ARMH4: variants seen among roughly 807,000 people sequenced by gnomAD.
ARMH4 encodes armadillo-like helical domain-containing protein 4.
A neutral mutation model predicts 61.9 loss-of-function variants in ARMH4; 49 were observed. That is an observed-to-expected ratio of 0.79 (90% CI 0.63 to 1.00). ARMH4 has a LOEUF of 1.00. ARMH4 is among the 50% of genes least tolerant of loss of function. ARMH4 has a pLI of 0.00. For missense variants in ARMH4, 934 were observed against 930.0 expected, an observed-to-expected ratio of 1.00 and a Z score of -0.06; for synonymous variants, 368 against 341.5, an observed-to-expected ratio of 1.08 and a Z score of -0.85.
At chr14:58,131,192 G>GA (rs1177303347) in intron 4 of ARMH4, 1 of 238,364 alleles carries the variant, frequency 4.2e-6, no homozygotes, top group East Asian at 1.0e-4. Flanking sequence ...ACACACATAT[G>GA]AAAATGAATT....
Position 58,004,675 on chromosome 14 carries a change from CTCCAAAATAAAAATTAGAATA to C in ARMH4, c.*40_*60del. On this transcript the variant is annotated 3_prime_UTR_variant, in exon 8 of 8. Coordinates refer to ENST00000267485, the MANE Select transcript of ARMH4 (RefSeq NM_001001872.4). ...GCAGGTTGTTCTTTTTTTTTTTCTGCTCCAAAATAAAAATTAGAATAGTAGCATCGTTGAATATCCCAATTA... is the reference window on the plus strand; with the variant it reads ...GCAGGTTGTTCTTTTTTTTTTTCTGCGTAGCATCGTTGAATATCCCAATTA... The C allele has an allele frequency of 7.5e-7, 1 of 1,342,076 alleles. No individual in the cohort carries two copies. The highest frequency in any genetic ancestry group is 1.0e-6 in the Non-Finnish European group (1 of 957,510). The allele number at this position is 1,342,076 out of a possible 1,614,324, so 83.1% of individuals were successfully genotyped here. A position where few individuals can be genotyped will look rare whatever the true frequency, so the allele number is the denominator to read the frequency against.
intron 5 of ARMH4, among the ~76,000 whole-genome samples, chr14:58,029,923 A>C (rs1362189666): frequency 6.6e-6 from 1 of 152,098 alleles, no homozygotes; most frequent in Admixed American, 6.6e-5. Flanking sequence ...TAGCAACACT[A>C]CCCACAGCAG....
intron 5 of ARMH4, among the ~76,000 whole-genome samples, chr14:58,014,859 C>T (rs1188848743): frequency 3.3e-5 from 5 of 152,058 alleles, no homozygotes; most frequent in Non-Finnish European, 5.9e-5. Context: ...CAGAACCCAC[C>T]AACCTTTGAA....
intron 5 of ARMH4, among the ~76,000 whole-genome samples, chr14:58,083,875 G>A (rs1885303728): frequency 6.6e-6 from 1 of 152,160 alleles, no homozygotes; most frequent in Admixed American, 6.5e-5. Context: ...ATTTGAGCCA[G>A]TTATGGTATT....
intron 5 of ARMH4, among the ~76,000 whole-genome samples, chr14:58,014,494 T>C (rs1594690256): frequency 6.6e-6 from 1 of 152,146 alleles, no homozygotes; most frequent in African/African-American, 2.4e-5. Flanking sequence ...TGCAAGATTG[T>C]TGTGAAGATT....
chr14:58,019,533 C>T (rs1882738599), intron 5 of ARMH4, among the ~76,000 whole-genome samples: 1 of 152,130 alleles, frequency 6.6e-6, no homozygotes, highest in Non-Finnish European at 1.5e-5. Flanking sequence ...CCTAGTTTTT[C>T]TGCTGAACAA....
chr14:58,151,441 A>G (rs1887917270), intron 1 of ARMH4, among the ~76,000 whole-genome samples: 1 of 152,078 alleles, frequency 6.6e-6, no homozygotes, highest in African/African-American at 2.4e-5. Context: ...CCCTCTTTCT[A>G]ATTAAGTGAC....
intron 5 of ARMH4, among the ~76,000 whole-genome samples, chr14:58,053,312 T>C (rs1299028642): frequency 6.6e-6 from 1 of 152,210 alleles, no homozygotes; most frequent in African/African-American, 2.4e-5. Context: ...CCATGTGCTA[T>C]TCCACGGCAC....
chr14:58,076,116 GGGA>G (rs879876489), intron 5 of ARMH4, among the ~76,000 whole-genome samples: 3 of 150,772 alleles, frequency 2.0e-5, no homozygotes, highest in Admixed American at 6.6e-5. Context: ...GAGGGGGAAG[GGGA>G]GGAGGAGGAG....
At chr14:58,136,141 G>T (rs1158100013) in intron 2 of ARMH4, among the ~76,000 whole-genome samples, 1 of 152,132 alleles carries the variant, frequency 6.6e-6, no homozygotes, top group Admixed American at 6.5e-5. Context: ...CAGGAATTGT[G>T]CTATGTGCTA....
chr14:58,140,576 A>AAAATAAAT lies in ARMH4; in HGVS notation c.-56-1170_-56-1163dup, dbSNP rs142870008. Among the ~76,000 whole-genome samples, 443 of 149,664 alleles carry AAAATAAAT rather than the reference A, an allele frequency of 3.0e-3. 1 individual carries two copies. Among genetic ancestry groups the AAAATAAAT allele is most frequent in the African/African-American group, 9.3e-3 (373 of 40,098 alleles). On this transcript the variant is annotated intron_variant, in intron 1 of 7. Transcript: ENST00000267485. Reference sequence around the variant, plus strand: ...AGCCTGGACAGGAGAATCCGTCTCAAAAATAAATAAATAAATAAATAAATA... The same window carrying AAAATAAAT: ...AGCCTGGACAGGAGAATCCGTCTCAAAAATAAATAAATAAATAAATAAATAAATAAATA...
chr14:58,096,797 G>A lies in ARMH4; in HGVS notation c.2016C>T (p.Asn672=). 6.2e-7 allele frequency: 1 copy of A among 1,614,110 alleles called. No individual in the cohort carries two copies. The highest frequency in any genetic ancestry group is 8.5e-7 in the Non-Finnish European group (1 of 1,180,024). The change falls in exon 5 of 8, where the codon AAC becomes AAT. Residue 672 remains asparagine, a synonymous_variant. Transcript: ENST00000267485. The part of the protein sequence containing the change: ...TSQEPGLEEG[N]MDLLEGATYQ... ...AGGTAGCTCCCTCCAACAGGTCCAT[G>A]TTTCCCTCCTCTAAGCCTGGTTCCT...
At chr14:58,101,980 T>A in intron 4 of ARMH4, among the ~76,000 whole-genome samples, 1 of 152,102 alleles carries the variant, frequency 6.6e-6, no homozygotes, top group East Asian at 1.9e-4. Context: ...CAAGTTGTGA[T>A]AAATGCTGAG....
rs562360624 is a variant in ARMH4 at position 58,104,799 on chromosome 14, T to C, written c.1832-7818A>G. On this transcript the variant is annotated intron_variant, in intron 4 of 7. Transcript: ENST00000267485. Reference sequence around the variant, plus strand: ...CCAATGACTAATGAGTACTTGGCAATCAACAGCGCTCAATAAGTGTATTTT... The same window carrying C: ...CCAATGACTAATGAGTACTTGGCAACCAACAGCGCTCAATAAGTGTATTTT... Among the ~76,000 whole-genome samples the C allele has an allele frequency of 1.1e-3, 161 of 152,316 alleles. 1 individual carries two copies. The highest frequency in any genetic ancestry group is 3.7e-3 in the African/African-American group (152 of 41,580).
intron 4 of ARMH4, among the ~76,000 whole-genome samples, chr14:58,111,011 C>G (rs1010758488): frequency 1.3e-5 from 2 of 152,170 alleles, no homozygotes; most frequent in African/African-American, 4.8e-5. Flanking sequence ...GCCTCAGCTT[C>G]CCAAAGTGCT....
At chr14:58,127,420 T>G (rs934918747) in intron 4 of ARMH4, among the ~76,000 whole-genome samples, 7 of 152,174 alleles carry the variant, frequency 4.6e-5, no homozygotes, top group African/African-American at 9.7e-5. Flanking sequence ...ATATAAGATG[T>G]AACTTTGCTA....
At position 58,003,466 on chromosome 14, in the gene ARMH4, T is replaced by G. The variant is rs974605316; in HGVS notation, c.*1270A>C. 2.0e-5 allele frequency: 3 copies of G among 152,204 alleles called. No homozygotes were observed. Among genetic ancestry groups the G allele is most frequent in the African/African-American group, 7.2e-5 (3 of 41,444 alleles). The allele number at this position is 152,204 out of a possible 1,614,324, so 9.4% of individuals were successfully genotyped here. ...ACTTCTAATAAACACCAACAAGTAC[T>G]CCACAGTGACAGCACTATTAATAAA... On this transcript the variant is annotated 3_prime_UTR_variant, in exon 8 of 8. Coordinates refer to ENST00000267485, the MANE Select transcript of ARMH4 (RefSeq NM_001001872.4).
At chr14:58,141,625 G>A (rs188112110) in intron 1 of ARMH4, 64 of 446,772 alleles carry the variant, frequency 1.4e-4, no homozygotes, top group African/African-American at 9.7e-4. Flanking sequence ...GAAGAAATGC[G>A]GCCACACCAA....
At position 58,138,557 on chromosome 14, in the gene ARMH4, C is replaced by T; in HGVS notation, c.802G>A (p.Ala268Thr). The change falls in exon 2 of 8, where the codon GCT (alanine) becomes ACT (threonine). Residue 268 changes from alanine to threonine, a missense_variant. Ala to Thr is a moderately conservative substitution (Grantham distance 58, BLOSUM62 0). Transcript: ENST00000267485. ...SQMTADNTQA[A>T]ATKQPLETSE... is the part of the protein sequence containing the mutation. Reference sequence around the variant, plus strand: ...GTTTCGAGTGGTTGCTTGGTGGCAGCAGCCTGGGTGTTATCAGCTGTCATC... The same window carrying T: ...GTTTCGAGTGGTTGCTTGGTGGCAGTAGCCTGGGTGTTATCAGCTGTCATC... The T allele has an allele frequency of 6.2e-7, 1 of 1,614,226 alleles. No individual in the cohort carries two copies. Among genetic ancestry groups the T allele is most frequent in the Non-Finnish European group, 8.5e-7 (1 of 1,180,038 alleles).
Sources: allele counts gnomAD v4.1 joint callset (sites outside exome capture counted in the v4.1 genomes callset), GRCh38; gene constraint gnomAD v4.1.1; transcripts MANE v1.5; gene names NCBI Gene and HGNC (gene_info 2026-07-23, HGNC 2026-07-21).